Variants in POU2F1 observed in about 807,000 individuals in gnomAD.
The protein encoded by POU2F1 is POU domain, class 2, transcription factor 1.
A neutral mutation model predicts 84.9 loss-of-function variants in POU2F1; 16 were observed. That is an observed-to-expected ratio of 0.19 (90% confidence interval 0.13 to 0.29). The LOEUF (loss-of-function observed/expected upper bound fraction) is 0.29, where lower values mean the gene tolerates loss of function less well. Ranked by LOEUF, POU2F1 falls within the 10% of genes least tolerant of loss-of-function variation. The pLI, the probability that POU2F1 is intolerant of heterozygous loss-of-function variation, is 1.00. For synonymous variants in POU2F1, 368 were observed against 368.3 expected, an observed-to-expected ratio of 1.00 and a Z score of 0.01; for missense variants, 738 against 942.6, an observed-to-expected ratio of 0.78 and a Z score of 2.84.
intron 1 of POU2F1, among the ~76,000 whole-genome samples, chr1:167,293,552 A>G (rs1273593543): frequency 1.3e-5 from 2 of 152,226 alleles, no homozygotes; most frequent in East Asian, 1.9e-4. Flanking sequence ...GACAGATTCA[A>G]TGCAGTCCCT....
chr1:167,307,383 A>G (rs1379422855), intron 1 of POU2F1, among the ~76,000 whole-genome samples: 1 of 152,070 alleles, frequency 6.6e-6, no homozygotes, highest in African/African-American at 2.4e-5. Context: ...TATTTATGTA[A>G]AAATTGTGGT....
intron 13 of POU2F1, among the ~76,000 whole-genome samples, chr1:167,403,184 A>G (rs1248233187): frequency 6.6e-6 from 1 of 152,132 alleles, no homozygotes; most frequent in African/African-American, 2.4e-5. Flanking sequence ...TTAATTATTA[A>G]AAACATTATT....
chr1:167,369,366 C>A (rs907302791), intron 3 of POU2F1, among the ~76,000 whole-genome samples: 2 of 152,180 alleles, frequency 1.3e-5, no homozygotes, highest in African/African-American at 4.8e-5. Context: ...TGAAAAGATA[C>A]TATTTTACCC....
intron 2 of POU2F1, among the ~76,000 whole-genome samples, chr1:167,342,120 C>T (rs750443393): frequency 5.3e-5 from 8 of 152,000 alleles, no homozygotes; most frequent in South Asian, 2.1e-4. Flanking sequence ...AACTTTTGGG[C>T]GCAAAAACAG....
At chr1:167,346,832 T>TA (rs1658235626) in intron 2 of POU2F1, among the ~76,000 whole-genome samples, 1 of 152,360 alleles carries the variant, frequency 6.6e-6, no homozygotes, top group Admixed American at 6.5e-5. Context: ...TTATGCTTCT[T>TA]ACTTTTGTAG....
chr1:167,316,184 C>A (rs578230327), intron 1 of POU2F1, among the ~76,000 whole-genome samples: 1 of 152,224 alleles, frequency 6.6e-6, no homozygotes, highest in Admixed American at 6.5e-5. Context: ...GCACATGTGA[C>A]ATTAAAATGA....
intron 1 of POU2F1, among the ~76,000 whole-genome samples, chr1:167,320,177 CTG>C (rs1013099593): frequency 6.6e-5 from 10 of 151,864 alleles, no homozygotes; most frequent in African/African-American, 2.4e-4. Flanking sequence ...TTTCAACTAA[CTG>C]TGTAGAATGA....
At chr1:167,283,783 G>C (rs563225906) in intron 1 of POU2F1, among the ~76,000 whole-genome samples, 1 of 152,272 alleles carries the variant, frequency 6.6e-6, no homozygotes, top group Admixed American at 6.5e-5. Context: ...GATGGAAAGT[G>C]TCAAGCGGTC....
intron 1 of POU2F1, among the ~76,000 whole-genome samples, chr1:167,242,765 T>TA (rs1336879226): frequency 3.9e-5 from 6 of 152,226 alleles, no homozygotes; most frequent in African/African-American, 1.4e-4. Context: ...GTTTGTAACT[T>TA]ACTGCCTTGC....
rs1173033909 is a variant in POU2F1, at chr1:167,424,754, T to G, written c.*8944T>G. 6.6e-6 allele frequency: 1 copy of G among 152,170 alleles called. No individual in the cohort carries two copies. The highest frequency in any genetic ancestry group is 1.5e-5 in the Non-Finnish European group (1 of 68,050). The allele number at this position is 152,170 out of a possible 1,614,324, so 9.4% of individuals were successfully genotyped here. ...TTTTGTTGCAAGGGGTCTTCACAGG[T>G]CTCTTAACATCTGCTTTCCCTGCCA... On this transcript the variant is annotated 3_prime_UTR_variant, in exon 16 of 16. Transcript: ENST00000367866.
chr1:167,222,480 T>C (rs547759085), intron 1 of POU2F1, among the ~76,000 whole-genome samples: 37 of 152,252 alleles, frequency 2.4e-4, no homozygotes, highest in Non-Finnish European at 4.0e-4. Flanking sequence ...TGGTTCGATA[T>C]GATTTTTTTT....
chr1:167,227,126 C>T (rs764734805), intron 1 of POU2F1, among the ~76,000 whole-genome samples: 11 of 151,998 alleles, frequency 7.2e-5, no homozygotes, highest in African/African-American at 1.2e-4. Flanking sequence ...GACATTTATC[C>T]GGAGAGGATA....
At chr1:167,369,157 A>G (rs542279292) in intron 3 of POU2F1, among the ~76,000 whole-genome samples, 3 of 152,142 alleles carry the variant, frequency 2.0e-5, no homozygotes, top group South Asian at 2.1e-4. Context: ...AACAGTGTAC[A>G]CTGGTTATTT....
In POU2F1 at chr1:167,311,314, G is replaced by A. The variant is rs531558676; in HGVS notation, c.62-21156G>A. The stretch of plus-strand genomic sequence containing the variant: ...TCTTAGCAGAAACCATGCAAGCCAG[G>A]AGGCCAAGGCATATTTTTCAGGTAG... On this transcript the variant is annotated intron_variant, in intron 1 of 15. Transcript: ENST00000367866. Among the ~76,000 whole-genome samples the A allele has an allele frequency of 2.0e-5, 3 of 152,212 alleles. No homozygotes were observed. In the South Asian group the frequency reaches 6.2e-4, roughly 32 times the overall value.
intron 1 of POU2F1, among the ~76,000 whole-genome samples, chr1:167,259,225 A>G (rs112333092): frequency 3.3e-5 from 5 of 152,328 alleles, no homozygotes; most frequent in African/African-American, 1.2e-4. Flanking sequence ...GTGGAAGTAT[A>G]TAAGGCCTTT....
intron 2 of POU2F1, among the ~76,000 whole-genome samples, chr1:167,336,673 C>T (rs915874507): frequency 6.6e-6 from 1 of 152,156 alleles, no homozygotes; most frequent in Non-Finnish European, 1.5e-5. Flanking sequence ...ATGAAGCCTT[C>T]ACTGCAGCTA....
intron 15 of POU2F1, 25 bp from the exon 16 acceptor site, chr1:167,415,475 T>C (rs1270499333): frequency 1.2e-6 from 2 of 1,606,914 alleles, no homozygotes; most frequent in South Asian, 2.2e-5. Context: ...CATTCCTGCC[T>C]GTTTTGGGGG....
chr1:167,350,913 G>A (rs574067394), intron 2 of POU2F1, among the ~76,000 whole-genome samples: 20 of 151,760 alleles, frequency 1.3e-4, no homozygotes, highest in African/African-American at 3.6e-4. Flanking sequence ...CAGGAGAATC[G>A]CTTGAACCCG....
chr1:167,381,164 C>T (rs1029818020), intron 7 of POU2F1, among the ~76,000 whole-genome samples: 3 of 152,052 alleles, frequency 2.0e-5, no homozygotes, highest in African/African-American at 7.3e-5. Flanking sequence ...CTCACTGCAA[C>T]CTCCGTCTCC....
Sources: gnomAD v4.1 joint callset for allele counts (sites outside exome capture counted in the v4.1 genomes callset) on GRCh38, gnomAD v4.1.1 for gene constraint, MANE v1.5 for transcripts, NCBI Gene and HGNC (gene_info 2026-07-23, HGNC 2026-07-21) for gene names.